VWA8: variants seen among roughly 807,000 people sequenced by gnomAD.
VWA8 encodes the protein von Willebrand factor A domain containing 8.
In VWA8, 221 loss-of-function variants were observed where a neutral mutation model predicts 241.5. The observed-to-expected ratio is 0.91, with a 90% CI of 0.82 to 1.02. The LOEUF (loss-of-function observed/expected upper bound fraction) is 1.02. Ranked by LOEUF, VWA8 falls within the 50% of genes least tolerant of loss-of-function variation. The pLI is 0.00. For missense variants in VWA8, 2,322 were observed against 2,328.7 expected (o/e 1.00, Z 0.06); for synonymous variants, 852 against 827.1 (o/e 1.03, Z -0.52).
intron 2 of VWA8, among the ~76,000 whole-genome samples, chr13:41,924,419 G>A: frequency 7.4e-6 from 1 of 135,760 alleles, no homozygotes; most frequent in Middle Eastern, 3.6e-3. Flanking sequence ...GGGGAGGAGA[G>A]GAGATGAAGG....
At chr13:41,857,872 T>C (rs538868946) in intron 12 of VWA8, among the ~76,000 whole-genome samples, 1 of 152,308 alleles carries the variant, frequency 6.6e-6, no homozygotes, top group East Asian at 1.9e-4. Context: ...GTTGAACTGG[T>C]AGATTGAGTA....
intron 17 of VWA8, among the ~76,000 whole-genome samples, chr13:41,797,423 C>A (rs2137956268): frequency 6.6e-6 from 1 of 152,238 alleles, no homozygotes; most frequent in Non-Finnish European, 1.5e-5. Flanking sequence ...AATGCATATT[C>A]ATTGTCCACT....
At chr13:41,940,829 C>G (rs964078617) in intron 2 of VWA8, among the ~76,000 whole-genome samples, 1 of 152,072 alleles carries the variant, frequency 6.6e-6, no homozygotes, top group South Asian at 2.1e-4. Flanking sequence ...ATATATGGTA[C>G]CATCATCATC....
At chr13:41,795,732 G>T (rs1418371899) in intron 17 of VWA8, among the ~76,000 whole-genome samples, 1 of 152,140 alleles carries the variant, frequency 6.6e-6, no homozygotes, top group Admixed American at 6.6e-5. Flanking sequence ...CTTATAAATG[G>T]GAGCTGAATG....
chr13:41,672,704 AG>A (rs1408987199), intron 36 of VWA8, among the ~76,000 whole-genome samples: 4 of 152,198 alleles, frequency 2.6e-5, no homozygotes, highest in Non-Finnish European at 4.4e-5. Flanking sequence ...TGAGAACAAC[AG>A]TGGGATGGGA....
chr13:41,802,347 C>T (rs1869997152), intron 17 of VWA8, among the ~76,000 whole-genome samples: 1 of 152,210 alleles, frequency 6.6e-6, no homozygotes, highest in Non-Finnish European at 1.5e-5. Context: ...GGGGTCAGAA[C>T]CTGAATTCTA....
intron 37 of VWA8, among the ~76,000 whole-genome samples, chr13:41,656,911 G>T (rs895542717): frequency 3.3e-5 from 5 of 152,100 alleles, no homozygotes; most frequent in Admixed American, 2.0e-4. Context: ...TTTCTTCTGG[G>T]GTGCTCCCCT....
At chr13:41,938,757 C>A (rs924531193) in intron 2 of VWA8, among the ~76,000 whole-genome samples, 1 of 143,582 alleles carries the variant, frequency 7.0e-6, no homozygotes, top group African/African-American at 2.5e-5. Flanking sequence ...TAGTGGCAGC[C>A]CTGCATCTTT....
chr13:41,727,179 C>A lies in VWA8; in HGVS notation c.2758+15G>T, dbSNP rs1162658724. 1 of 1,529,242 alleles carries A rather than the reference C, an allele frequency of 6.5e-7. No individual in the cohort carries two copies. The highest frequency in any genetic ancestry group is 2.5e-5 in the East Asian group (1 of 40,438). The allele number at this position is 1,529,242 out of a possible 1,614,324, so 94.7% of individuals were successfully genotyped here. On this transcript the variant is annotated intron_variant, in intron 24 of 44. Transcript: ENST00000379310. ...TTACTGCTATTGGTATTGTTATTAT[C>A]ATTACTGTTTTTACCTAAGGTACCG...
chr13:41,654,994 G>T (rs77781243), intron 37 of VWA8, among the ~76,000 whole-genome samples: 270 of 152,196 alleles, frequency 1.8e-3, no homozygotes, highest in Non-Finnish European at 2.1e-3. Flanking sequence ...AAGGTCTGTG[G>T]GTTACACATT....
chr13:41,614,447 C>T (rs951033253), intron 38 of VWA8, among the ~76,000 whole-genome samples: 10 of 152,154 alleles, frequency 6.6e-5, no homozygotes, highest in South Asian at 4.1e-4. Flanking sequence ...AGTCGGCCAT[C>T]GGTTTAGACT....
intron 9 of VWA8, among the ~76,000 whole-genome samples, chr13:41,873,048 T>C (rs539103760): frequency 2.4e-4 from 36 of 152,140 alleles, no homozygotes; most frequent in Non-Finnish European, 4.6e-4. Context: ...GATTCCTAGG[T>C]ATTTTATTCT....
chr13:41,921,037 A>G lies in VWA8; in HGVS notation c.242-8869T>C, dbSNP rs181535527. Among the ~76,000 whole-genome samples the G allele has an allele frequency of 4.6e-5, 7 of 152,370 alleles. No homozygotes were observed. The East Asian group carries it at 1.2e-3, about 25-fold the overall frequency. ...ATGAACATCGATGCAAAAATCCTCA[A>G]TAAAATACTGGCAAACCAAAAACAG... On this transcript the variant is annotated intron_variant, in intron 2 of 44. Coordinates refer to ENST00000379310, the MANE Select transcript of VWA8 (RefSeq NM_015058.2).
intron 37 of VWA8, among the ~76,000 whole-genome samples, chr13:41,639,893 A>C (rs573730037): frequency 1.3e-5 from 2 of 152,204 alleles, no homozygotes; most frequent in South Asian, 4.1e-4. Context: ...CAATTTACCC[A>C]TGTAACTCAC....
At chr13:41,787,050 G>A (rs1033749871) in intron 18 of VWA8, among the ~76,000 whole-genome samples, 4 of 150,272 alleles carry the variant, frequency 2.7e-5, no homozygotes, top group African/African-American at 7.4e-5. Flanking sequence ...ATAGGACATC[G>A]CTGACCCTCA....
chr13:41,915,289 A>G (rs1876198959), intron 2 of VWA8, among the ~76,000 whole-genome samples: 1 of 152,194 alleles, frequency 6.6e-6, no homozygotes, highest in Admixed American at 6.5e-5. Flanking sequence ...ACACTGCCTT[A>G]AGGCACATCT....
chr13:41,750,866 T>C (rs1159648814), intron 21 of VWA8, among the ~76,000 whole-genome samples: 1 of 148,816 alleles, frequency 6.7e-6, no homozygotes, highest in African/African-American at 2.5e-5. Flanking sequence ...GTATGTAGAA[T>C]GTTACATAAA....
chr13:41,921,276 T>C (rs1876519991), intron 2 of VWA8, among the ~76,000 whole-genome samples: 1 of 152,210 alleles, frequency 6.6e-6, no homozygotes, highest in Non-Finnish European at 1.5e-5. Context: ...TAGGTATTGA[T>C]GGGATGTATC....
chr13:41,921,677 AT>A (rs1876543329), intron 2 of VWA8, among the ~76,000 whole-genome samples: 1 of 152,236 alleles, frequency 6.6e-6, no homozygotes, highest in African/African-American at 2.4e-5. Flanking sequence ...GTGAACTCCC[AT>A]TCACAATTGC....
Sources: allele counts gnomAD v4.1 joint callset (sites outside exome capture counted in the v4.1 genomes callset), GRCh38; gene constraint gnomAD v4.1.1; transcripts MANE v1.5; gene names NCBI Gene and HGNC (gene_info 2026-07-23, HGNC 2026-07-21).